MED14: variants seen among roughly 807,000 people sequenced by gnomAD.
MED14 encodes mediator complex subunit 14, also known as mediator of RNA polymerase II transcription subunit 14.
MED14 carries 8 observed loss-of-function variants against 109.0 expected under a neutral mutation model. That is an observed-to-expected ratio of 0.07 (90% CI 0.04 to 0.13). MED14 has a LOEUF of 0.13. Ranked by LOEUF, MED14 falls within the 10% of genes least tolerant of loss-of-function variation. The pLI is 1.00. For synonymous variants in MED14, 399 were observed against 408.7 expected, an observed-to-expected ratio of 0.98 and a Z score of 0.29; for missense variants, 711 against 1,142.4, an observed-to-expected ratio of 0.62 and a Z score of 5.44.
rs1198613566 is a variant in MED14 at position 40,651,320 on chromosome X, T to C, written c.*486A>G. The C allele has an allele frequency of 4.0e-6, 3 of 751,001 alleles. No homozygotes were observed. The highest frequency in any genetic ancestry group is 4.7e-6 in the Non-Finnish European group (3 of 637,502). 61.9% of individuals were successfully genotyped at this position (751,001 alleles called of 1,213,427 possible). On this transcript the variant is annotated 3_prime_UTR_variant, in exon 31 of 31. Coordinates refer to ENST00000324817, the MANE Select transcript of MED14 (RefSeq NM_004229.4). ...TATTAAATATTGCTTCCTTGGGGTG[T>C]GTTTATAACAACTCCCAGAACATTT...
intron 10 of MED14, among the ~76,000 whole-genome samples, chrX:40,706,772 T>C (rs1931158568): frequency 8.9e-6 from 1 of 112,006 alleles, no homozygotes; most frequent in Non-Finnish European, 1.9e-5. Flanking sequence ...TTGGCAATCA[T>C]AGTTTTTTGT....
intron 12 of MED14, among the ~76,000 whole-genome samples, chrX:40,700,445 T>C (rs912300545): frequency 3.7e-5 from 4 of 108,775 alleles, no homozygotes; most frequent in Non-Finnish European, 7.6e-5. Context: ...TTTTCAAATA[T>C]TGGCTAAAGG....
At chrX:40,684,886 A>G (rs950492748) in intron 16 of MED14, among the ~76,000 whole-genome samples, 6 of 111,904 alleles carry the variant, frequency 5.4e-5, no homozygotes, top group Non-Finnish European at 1.1e-4. Flanking sequence ...TGATGCAGAT[A>G]CAATGAGCTC....
At chrX:40,654,789 C>T (rs1431330188) in intron 29 of MED14, 146 bp downstream of exon 29, 13 of 795,911 alleles carry the variant, frequency 1.6e-5, no homozygotes, top group Admixed American at 3.3e-5. Flanking sequence ...ACCAGGATGT[C>T]ATGACATCTA....
In MED14 at chrX:40,692,200, C is replaced by T. The variant is rs748302042; in HGVS notation, c.1963G>A (p.Val655Ile). Residue 655 changes from valine (V) to isoleucine (I), a missense_variant, in exon 15 of 31, where the codon GTA becomes ATA. Around this residue, in one of 8 missense-constraint regions of MED14, gnomAD observed 388 missense variants for 517.3 expected, o/e 0.75. Coordinates refer to ENST00000324817, the MANE Select transcript of MED14 (RefSeq NM_004229.4). ...VAMCDTNMPF[V>I]GLRLELSNLE... ...AAACTTACCTCCAACCGAAGTCCTA[C>T]AAATGGCATATTTGTATCACACATA... 3 of 1,210,237 alleles carry T rather than the reference C, an allele frequency of 2.5e-6. No homozygotes were observed. The highest frequency in any genetic ancestry group is 1.8e-5 in the South Asian group (1 of 56,635).
intron 3 of MED14, among the ~76,000 whole-genome samples, chrX:40,717,802 C>T (rs756333955): frequency 2.4e-4 from 27 of 112,370 alleles, no homozygotes; most frequent in Non-Finnish European, 4.7e-4. Flanking sequence ...GGATTACAGG[C>T]GTGAGCCACT....
intron 28 of MED14, among the ~76,000 whole-genome samples, chrX:40,655,356 G>A (rs1929020147): frequency 9.1e-6 from 1 of 110,495 alleles, no homozygotes; most frequent in Non-Finnish European, 1.9e-5. Flanking sequence ...TATATTCATT[G>A]AGGCCACCAT....
chrX:40,728,840 C>T (rs1448166200), intron 2 of MED14, among the ~76,000 whole-genome samples: 1 of 108,343 alleles, frequency 9.2e-6, no homozygotes, highest in Non-Finnish European at 1.9e-5. Flanking sequence ...TTTTTTGAGA[C>T]AAAGTTTTGC....
intron 22 of MED14, among the ~76,000 whole-genome samples, chrX:40,672,388 C>T (rs752728567): frequency 8.9e-6 from 1 of 111,746 alleles, no homozygotes; most frequent in Non-Finnish European, 1.9e-5. Flanking sequence ...AGTGTTTTTT[C>T]TTTCTGAGCG....
intron 30 of MED14, chrX:40,653,959 A>T (rs771942845): frequency 7.8e-6 from 1 of 128,250 alleles, no homozygotes; most frequent in Admixed American, 8.1e-5. Context: ...TGAACCATGA[A>T]ATATGAGAAA....
intron 11 of MED14, among the ~76,000 whole-genome samples, chrX:40,702,385 C>T (rs1014619283): frequency 2.1e-5 from 2 of 97,182 alleles, no homozygotes; most frequent in Non-Finnish European, 4.0e-5. Context: ...CTCGCTCTAC[C>T]GCCCAGGCTG....
intron 11 of MED14, 33 bp downstream of exon 11, chrX:40,703,411 T>G (rs777208022): frequency 9.0e-7 from 1 of 1,107,352 alleles, no homozygotes; most frequent in Admixed American, 2.4e-5. Context: ...TAATTTTTCT[T>G]ACATTGAATG....
chrX:40,650,636 A>G lies in MED14; in HGVS notation c.*1170T>C, dbSNP rs886466981. The G allele has an allele frequency of 3.6e-5, 27 of 752,425 alleles. No individual in the cohort carries two copies. The highest frequency in any genetic ancestry group is 3.9e-5 in the Non-Finnish European group (25 of 638,986). The allele number at this position is 752,425 out of a possible 1,213,427, so 62.0% of individuals were successfully genotyped here. ...TGCTCCAAAAAGAAACCCTGCAGAG[A>G]TGTATTAATACCAAAAACTCCATTT... On this transcript the variant is annotated 3_prime_UTR_variant, in exon 31 of 31. Transcript: ENST00000324817.
At chrX:40,702,346 GTT>G (rs35345632) in intron 11 of MED14, among the ~76,000 whole-genome samples, 1 of 82,177 alleles carries the variant, frequency 1.2e-5, no homozygotes. Context: ...TATAAGTTTT[GTT>G]TTTTTTTTTT....
Position 40,681,616 on chromosome X carries a change from G to A in MED14, c.2457+236C>T, listed in dbSNP as rs185080069. Among the ~76,000 whole-genome samples the A allele has an allele frequency of 2.2e-3, 247 of 111,387 alleles. 1 individual carries two copies. Among genetic ancestry groups the A allele is most frequent in the Admixed American group, 5.0e-3 (52 of 10,477 alleles). ...ACAAACACCATCAGTACATTACCTT[G>A]TCCAAATTGCTTCAAGATTATATAC... On this transcript the variant is annotated intron_variant, in intron 19 of 30. Transcript: ENST00000324817.
chrX:40,704,751 A>G (rs1247851413), intron 10 of MED14, among the ~76,000 whole-genome samples: 4 of 112,204 alleles, frequency 3.6e-5, no homozygotes, highest in Non-Finnish European at 5.6e-5. Context: ...TGCAGAAGAC[A>G]TATTTAATTA....
At position 40,682,600 on chromosome X, in the gene MED14, T is replaced by C. The variant is rs767669305; in HGVS notation, c.2365+3A>G. The stretch of plus-strand genomic sequence containing the variant: ...TTAAAAAGGAGATTATCTCCACACG[T>C]ACCTGGTAGAGAACGTGCAAATTCC... On this transcript the variant is annotated splice_donor_region_variant and intron_variant, in intron 18 of 30. Transcript: ENST00000324817. The C allele has an allele frequency of 8.7e-6, 10 of 1,155,014 alleles. No individual in the cohort carries two copies. The highest frequency in any genetic ancestry group is 1.0e-5 in the Non-Finnish European group (9 of 865,796).
chrX:40,686,967 AC>A (rs1666416883), intron 16 of MED14, among the ~76,000 whole-genome samples: 1 of 81,830 alleles, frequency 1.2e-5, no homozygotes, highest in South Asian at 4.6e-4. Context: ...GTCCATTAGA[AC>A]TTAAGCCCTA....
rs989422997 is a variant in MED14, at chrX:40,655,190, C to T, written c.3973-130G>A. On this transcript the variant is annotated intron_variant, in intron 28 of 30. Coordinates refer to ENST00000324817, the MANE Select transcript of MED14 (RefSeq NM_004229.4). ...TAACAGAACATAAAGTTAATAACTGCACTTTTTCAAAACAAATACATACAT... is the reference window on the plus strand; with the variant it reads ...TAACAGAACATAAAGTTAATAACTGTACTTTTTCAAAACAAATACATACAT... The T allele has an allele frequency of 6.2e-6, 4 of 640,737 alleles. No homozygotes were observed. The African/African-American group carries it at 8.9e-5, about 14-fold the overall frequency. The allele number at this position is 640,737 out of a possible 1,213,427, so 52.8% of individuals were successfully genotyped here. A position where few individuals can be genotyped will look rare whatever the true frequency, so the allele number is the denominator to read the frequency against.
Sources: gnomAD v4.1 joint callset for allele counts (sites outside exome capture counted in the v4.1 genomes callset) on GRCh38, gnomAD v4.1.1 for gene constraint, gnomAD v4.1.1 regional missense constraint, MANE v1.5 for transcripts, NCBI Gene and HGNC (gene_info 2026-07-23, HGNC 2026-07-21) for gene names.